Variants in GOLGA6L9 observed in about 807,000 individuals in gnomAD.
GOLGA6L9 encodes golgin subfamily A member 6-like protein 9.
GOLGA6L9 carries 19 observed loss-of-function variants against 51.3 expected under a neutral mutation model. The observed-to-expected ratio is 0.37, with a 90% confidence interval of 0.26 to 0.54. The LOEUF (loss-of-function observed/expected upper bound fraction) is 0.54. Ranked by LOEUF, GOLGA6L9 falls within the 20% of genes least tolerant of loss-of-function variation. The pLI, the probability that GOLGA6L9 is intolerant of heterozygous loss-of-function variation, is 0.83. For synonymous variants in GOLGA6L9, 97 were observed against 184.2 expected, an observed-to-expected ratio of 0.53 and a Z score of 3.83; for missense variants, 247 against 464.1, an observed-to-expected ratio of 0.53 and a Z score of 4.30.
chr15:82,427,612 G>A (rs1475673083), upstream of GOLGA6L9, among the ~76,000 whole-genome samples: 1 of 151,672 alleles, frequency 6.6e-6, no homozygotes, highest in Non-Finnish European at 1.5e-5. Flanking sequence ...CTGCAGCCTT[G>A]AACTCCTCGC....
chr15:82,426,948 A>ACATTT (rs2150823571), upstream of GOLGA6L9, among the ~76,000 whole-genome samples: 1 of 98,498 alleles, frequency 1.0e-5, no homozygotes, highest in East Asian at 2.9e-4. Flanking sequence ...TGTTTTCATG[A>ACATTT]CATTTCTTTG....
At chr15:82,416,808 CT>C in the GOLGA6L9 span, among the ~76,000 whole-genome samples, 1 of 152,082 alleles carries the variant, frequency 6.6e-6, no homozygotes, top group Non-Finnish European at 1.5e-5. Context: ...TGATTCTATC[CT>C]TTATTTCTTG....
chr15:82,436,580 T>A lies in GOLGA6L9; in HGVS notation c.*169T>A, dbSNP rs2031691729. 1.0e-5 allele frequency: 7 copies of A among 667,974 alleles called. No individual in the cohort carries two copies. In the South Asian group the frequency reaches 1.8e-4, roughly 17 times the overall value. The allele number at this position is 667,974 out of a possible 1,614,324, so 41.4% of individuals were successfully genotyped here. A position where few individuals can be genotyped will look rare whatever the true frequency, so the allele number is the denominator to read the frequency against. On this transcript the variant is annotated 3_prime_UTR_variant, in exon 9 of 9. Transcript: ENST00000618348. ...ATAGTTTAAATTTATTTGTTTCTAA[T>A]TTATAGTTTAAATTTATTTGTGTTT... is the stretch of plus-strand genomic sequence containing the variant.
At chr15:82,418,213 A>C in the GOLGA6L9 span, among the ~76,000 whole-genome samples, 7 of 152,196 alleles carry the variant, frequency 4.6e-5, no homozygotes, top group African/African-American at 1.7e-4. Flanking sequence ...CTTCTCTGCA[A>C]AATAATTTGG....
the GOLGA6L9 span, chr15:82,419,281 C>T: frequency 5.4e-6 from 1 of 184,780 alleles, no homozygotes; most frequent in African/African-American, 2.4e-5. Context: ...AATTTTCACC[C>T]TCAATAGAGT....
upstream of GOLGA6L9, among the ~76,000 whole-genome samples, chr15:82,429,772 T>C (rs2031339015): frequency 6.6e-6 from 1 of 152,158 alleles, no homozygotes; most frequent in Admixed American, 6.5e-5. Flanking sequence ...GTTTTAAAGC[T>C]TTTAAAGCAA....
In GOLGA6L9 at chr15:82,436,883, A is replaced by G. The variant is rs1377266243; in HGVS notation, c.*472A>G. Reference sequence around the variant, plus strand: ...TGTTAGTACAGCCTGTATATTCATTACGGAATTCAGATAAAATTTCCTTAT... The same window carrying G: ...TGTTAGTACAGCCTGTATATTCATTGCGGAATTCAGATAAAATTTCCTTAT... On this transcript the variant is annotated 3_prime_UTR_variant, in exon 9 of 9. Coordinates refer to ENST00000618348, the MANE Select transcript of GOLGA6L9 (RefSeq NM_198181.4). The G allele has an allele frequency of 6.4e-6, 1 of 156,606 alleles. No homozygotes were observed. Among genetic ancestry groups the G allele is most frequent in the African/African-American group, 2.5e-5 (1 of 40,474 alleles). 9.7% of individuals were successfully genotyped at this position (156,606 alleles called of 1,614,324 possible). A position where few individuals can be genotyped will look rare whatever the true frequency, so the allele number is the denominator to read the frequency against.
intron 2 of GOLGA6L9, 42 bp from the exon 3 acceptor site, chr15:82,432,530 G>T (rs1457170024): frequency 5.0e-6 from 8 of 1,595,190 alleles, no homozygotes; most frequent in East Asian, 4.5e-5. Context: ...TAGACAGTGA[G>T]GGGGGACAGA....
chr15:82,416,168 C>A, the GOLGA6L9 span, among the ~76,000 whole-genome samples: 1 of 151,926 alleles, frequency 6.6e-6, no homozygotes, highest in African/African-American at 2.4e-5. Flanking sequence ...GAAGAGTAAG[C>A]GCAATCAGGT....
chr15:82,418,898 C>T, the GOLGA6L9 span: 1 of 152,218 alleles, frequency 6.6e-6, no homozygotes, highest in African/African-American at 2.4e-5. Context: ...GAAATGGGTT[C>T]TTCTGCCCTG....
intron 7 of GOLGA6L9, 66 bp downstream of exon 7, chr15:82,434,995 TGGGGA>T: frequency 1.8e-6 from 2 of 1,084,094 alleles, no homozygotes; most frequent in African/African-American, 3.7e-5. Flanking sequence ...CACCAGCCTC[TGGGGA>T]GGGGAGGTGC....
chr15:82,436,386 G>A lies in GOLGA6L9; in HGVS notation c.1274G>A (p.Arg425Lys). ...ACHSFRAAEN[R>K]ELNITII ...CATTCTTTTCGGGCTGCCGAGAACA[G>A]GGAGCTAAACATCACCATCATCTAA... The change falls in exon 9 of 9, where the codon AGG becomes AAG. Residue 425 changes from arginine (R) to lysine (K), a missense_variant. Arg to Lys is a conservative substitution (Grantham distance 26). Coordinates refer to ENST00000618348, the MANE Select transcript of GOLGA6L9 (RefSeq NM_198181.4). 6.3e-7 allele frequency: 1 copy of A among 1,596,004 alleles called. No homozygotes were observed.
chr15:82,427,282 T>A (rs1351421527), upstream of GOLGA6L9, among the ~76,000 whole-genome samples: 1 of 142,046 alleles, frequency 7.0e-6, no homozygotes, highest in South Asian at 2.2e-4. Context: ...ATTCTTACTT[T>A]CTTTTCTTTT....
rs1484430525 is a variant in GOLGA6L9 at position 82,438,664 on chromosome 15, T to C, written c.*2253T>C. 2 of 132,100 alleles carry C rather than the reference T, an allele frequency of 1.5e-5. No individual in the cohort carries two copies. The highest frequency in any genetic ancestry group is 2.9e-5 in the African/African-American group (1 of 34,382). 8.2% of individuals were successfully genotyped at this position (132,100 alleles called of 1,614,324 possible). On this transcript the variant is annotated 3_prime_UTR_variant, in exon 9 of 9. Transcript: ENST00000618348. Reference sequence around the variant, plus strand: ...AGGGAGTAAAGAATCAAAACACCTATTTAAAGACTGCAAAATATGATAATT... The same window carrying C: ...AGGGAGTAAAGAATCAAAACACCTACTTAAAGACTGCAAAATATGATAATT...
chr15:82,420,207 AGAT>A, the GOLGA6L9 span: 1 of 183,546 alleles, frequency 5.4e-6, no homozygotes, highest in Non-Finnish European at 1.2e-5. Context: ...TTTGTTACAA[AGAT>A]GATCTATAGA....
the GOLGA6L9 span, among the ~76,000 whole-genome samples, chr15:82,419,632 A>G: frequency 5.9e-5 from 9 of 152,164 alleles, no homozygotes; most frequent in African/African-American, 9.7e-5. Flanking sequence ...CCTGGGTGAC[A>G]GAGCAAGACT....
At chr15:82,420,105 A>G in the GOLGA6L9 span, 5 of 331,942 alleles carry the variant, frequency 1.5e-5, no homozygotes, top group South Asian at 7.1e-5. Flanking sequence ...TACATAAACC[A>G]TAAGATATAT....
chr15:82,429,007 A>C (rs1228790450), upstream of GOLGA6L9, among the ~76,000 whole-genome samples: 2 of 152,178 alleles, frequency 1.3e-5, no homozygotes, highest in Non-Finnish European at 1.5e-5. Flanking sequence ...GTTTTAAACC[A>C]GTAAAGAGCT....
chr15:82,420,098 A>G, the GOLGA6L9 span: 8 of 369,182 alleles, frequency 2.2e-5, no homozygotes, highest in African/African-American at 1.7e-4. Flanking sequence ...AGAATTTTAC[A>G]TAAACCATAA....
Sources: allele counts gnomAD v4.1 joint callset (sites outside exome capture counted in the v4.1 genomes callset), GRCh38; gene constraint gnomAD v4.1.1; transcripts MANE v1.5; gene names NCBI Gene and HGNC (gene_info 2026-07-23, HGNC 2026-07-21).